Variants in UNC13C observed in about 807,000 individuals in gnomAD.
UNC13C encodes protein unc-13 homolog C.
In UNC13C, 174 loss-of-function variants were observed where a neutral mutation model predicts 245.4. The ratio of observed to expected loss-of-function variants is 0.71; its 90% CI spans 0.63 to 0.80. UNC13C has a LOEUF of 0.80. Ranked by LOEUF, UNC13C falls within the 30% of genes least tolerant of loss-of-function variation. UNC13C has a pLI of 0.00. For missense variants in UNC13C, 2,829 were observed against 2,602.9 expected (o/e 1.09, Z -1.89); for synonymous variants, 992 against 895.1 (o/e 1.11, Z -1.93).
chr15:54,090,434 A>C (rs1374900350), intron 2 of UNC13C, among the ~76,000 whole-genome samples: 1 of 152,228 alleles, frequency 6.6e-6, no homozygotes, highest in Non-Finnish European at 1.5e-5. Context: ...CTAAATACTT[A>C]GTATATTTGC....
intron 17 of UNC13C, among the ~76,000 whole-genome samples, chr15:54,381,669 T>A (rs1007207855): frequency 2.0e-5 from 3 of 152,184 alleles, no homozygotes; most frequent in Admixed American, 2.0e-4. Flanking sequence ...TCTTTCACCT[T>A]CTGGGTTAAA....
chr15:54,526,182 T>G (rs150716898), intron 25 of UNC13C, among the ~76,000 whole-genome samples: 108 of 152,272 alleles, frequency 7.1e-4, no homozygotes, highest in African/African-American at 2.5e-3. Context: ...ACTATTGATA[T>G]ATCTATATAT....
At chr15:54,425,784 T>C (rs1026999827) in intron 19 of UNC13C, among the ~76,000 whole-genome samples, 6 of 151,854 alleles carry the variant, frequency 4.0e-5, no homozygotes, top group African/African-American at 1.4e-4. Context: ...TCACCAAAGT[T>C]AGTGCATAAA....
intron 19 of UNC13C, among the ~76,000 whole-genome samples, chr15:54,467,631 C>G (rs1892250489): frequency 6.6e-6 from 1 of 151,714 alleles, no homozygotes; most frequent in South Asian, 2.1e-4. Flanking sequence ...CCTTCTCCAT[C>G]TACCCTGCTC....
intron 19 of UNC13C, among the ~76,000 whole-genome samples, chr15:54,424,795 G>T (rs984849416): frequency 2.4e-4 from 37 of 151,830 alleles, no homozygotes; most frequent in African/African-American, 8.9e-4. Context: ...CTGCTGGCTG[G>T]AAAGGACAGG....
At chr15:53,870,418 C>T in the UNC13C span, among the ~76,000 whole-genome samples, 1 of 150,092 alleles carries the variant, frequency 6.7e-6, no homozygotes, top group Non-Finnish European at 1.5e-5. Flanking sequence ...TGTCCTTTTT[C>T]CTTCCCACCC....
chr15:54,355,857 A>G (rs2039083402), intron 17 of UNC13C, among the ~76,000 whole-genome samples: 1 of 152,160 alleles, frequency 6.6e-6, no homozygotes, highest in African/African-American at 2.4e-5. Context: ...TACTGCATTC[A>G]TACCTATGTA....
At chr15:53,964,239 A>T in the UNC13C span, among the ~76,000 whole-genome samples, 2 of 152,180 alleles carry the variant, frequency 1.3e-5, no homozygotes, top group African/African-American at 4.8e-5. Context: ...TACTAAATCA[A>T]ACAGCTTGAC....
At chr15:54,255,456 C>T (rs1272365085) in intron 8 of UNC13C, among the ~76,000 whole-genome samples, 1 of 152,098 alleles carries the variant, frequency 6.6e-6, no homozygotes, top group Non-Finnish European at 1.5e-5. Context: ...GCCGACGTGA[C>T]GATTTCTGTC....
intron 10 of UNC13C, among the ~76,000 whole-genome samples, chr15:54,283,328 G>C (rs2037048725): frequency 6.6e-6 from 1 of 151,870 alleles, no homozygotes; most frequent in South Asian, 2.1e-4. Context: ...TACACACACA[G>C]AGACATAAAT....
chr15:54,552,913 T>C (rs1283238763), intron 28 of UNC13C, among the ~76,000 whole-genome samples: 4 of 17,252 alleles, frequency 2.3e-4, no homozygotes, highest in Admixed American at 7.6e-4. Flanking sequence ...TAATATATAA[T>C]ATATATTGTA....
At chr15:54,059,989 T>C (rs1426559722) in intron 2 of UNC13C, among the ~76,000 whole-genome samples, 1 of 152,204 alleles carries the variant, frequency 6.6e-6, no homozygotes, top group African/African-American at 2.4e-5. Context: ...AAGACTTACA[T>C]GTTAGACCTA....
At chr15:54,196,946 T>C (rs2034372494) in intron 4 of UNC13C, among the ~76,000 whole-genome samples, 1 of 152,138 alleles carries the variant, frequency 6.6e-6, no homozygotes, top group African/African-American at 2.4e-5. Context: ...CTCTGCTCAG[T>C]ATTGTTTTGG....
chr15:54,182,472 T>G (rs2033835197), intron 4 of UNC13C, among the ~76,000 whole-genome samples: 1 of 151,980 alleles, frequency 6.6e-6, no homozygotes, highest in Non-Finnish European at 1.5e-5. Flanking sequence ...TCTAGTTTCC[T>G]GTTTTGGTTG....
At chr15:54,507,812 C>CA (rs1894540172) in intron 23 of UNC13C, among the ~76,000 whole-genome samples, 1 of 150,268 alleles carries the variant, frequency 6.7e-6, no homozygotes, top group East Asian at 1.9e-4. Context: ...AGGAGAAATA[C>CA]ATTGGCAGCA....
In UNC13C at chr15:54,167,757, TA is replaced by T. The variant is rs534429388; in HGVS notation, c.3071+24081del. Among the ~76,000 whole-genome samples the T allele has an allele frequency of 2.2e-3, 326 of 151,496 alleles. 2 individuals are homozygous for T. The highest frequency in any genetic ancestry group is 7.7e-3 in the African/African-American group (318 of 41,334). ...ACAAAGGACTGGTATGCAGGGTATATAAAAAAAATCCTACAACTCCATTAAA... is the reference window on the plus strand; with the variant it reads ...ACAAAGGACTGGTATGCAGGGTATATAAAAAAATCCTACAACTCCATTAAA... On this transcript the variant is annotated intron_variant, in intron 4 of 32. Coordinates refer to ENST00000260323, the MANE Select transcript of UNC13C (RefSeq NM_001080534.3).
intron 2 of UNC13C, among the ~76,000 whole-genome samples, chr15:54,056,951 C>T (rs1897557466): frequency 1.3e-5 from 2 of 152,310 alleles, no homozygotes; most frequent in Admixed American, 1.3e-4. Context: ...ACAAGAGCTC[C>T]TGAAGGAAGC....
chr15:54,280,338 G>GAT (rs1379275915), intron 10 of UNC13C, among the ~76,000 whole-genome samples: 1 of 151,796 alleles, frequency 6.6e-6, no homozygotes, highest in Non-Finnish European at 1.5e-5. Flanking sequence ...AGGGGTAAAT[G>GAT]ATATGTACAA....
At chr15:54,433,261 C>T (rs1368028476) in intron 19 of UNC13C, among the ~76,000 whole-genome samples, 2 of 152,008 alleles carry the variant, frequency 1.3e-5, no homozygotes, top group Admixed American at 1.3e-4. Flanking sequence ...GATACCAAAA[C>T]CTGCCAGAGA....
Sources: gnomAD v4.1 joint callset for allele counts (sites outside exome capture counted in the v4.1 genomes callset) on GRCh38, gnomAD v4.1.1 for gene constraint, MANE v1.5 for transcripts, NCBI Gene and HGNC (gene_info 2026-07-23, HGNC 2026-07-21) for gene names.